Variants in GAS2L3 observed in about 807,000 individuals in gnomAD.
The protein encoded by GAS2L3 is growth arrest specific 2 like 3.
Under a neutral mutation model 37.0 loss-of-function variants are expected in GAS2L3, and 28 were observed. The observed-to-expected ratio is 0.76, with a 90% CI of 0.56 to 1.04. The LOEUF is 1.04. Among genes scored for constraint, GAS2L3 ranks in the 50% least tolerant of loss-of-function variants. The pLI, the probability that GAS2L3 is intolerant of heterozygous loss-of-function variation, is 0.00. For missense variants in GAS2L3, 793 were observed against 817.6 expected (o/e 0.97, Z 0.37); for synonymous variants, 290 against 296.6 (o/e 0.98, Z 0.23).
Position 100,600,634 on chromosome 12 carries a change from T to C in GAS2L3, c.187+84T>C, listed in dbSNP as rs766987822. The C allele has an allele frequency of 2.9e-5, 31 of 1,059,694 alleles. No homozygotes were observed. In the South Asian group the frequency reaches 3.5e-4, roughly 12 times the overall value. The allele number at this position is 1,059,694 out of a possible 1,614,324, so 65.6% of individuals were successfully genotyped here. A position where few individuals can be genotyped will look rare whatever the true frequency, so the allele number is the denominator to read the frequency against. Reference sequence around the variant, plus strand: ...AGCCTTACTCTTTGTCAAGGAGTGATTGTTACAGATGCTGGGGATACTCCA... The same window carrying C: ...AGCCTTACTCTTTGTCAAGGAGTGACTGTTACAGATGCTGGGGATACTCCA... On this transcript the variant is annotated intron_variant, in intron 4 of 9. Coordinates refer to ENST00000547754, the MANE Select transcript of GAS2L3 (RefSeq NM_174942.3).
At position 100,616,628 on chromosome 12, in the gene GAS2L3, C is replaced by A. The variant is rs1046902686; in HGVS notation, c.446-1116C>A. Among the ~76,000 whole-genome samples the A allele has an allele frequency of 6.6e-5, 10 of 151,372 alleles. No individual in the cohort carries two copies. The East Asian group carries it at 1.6e-3, about 24-fold the overall frequency. ...TTAAAAAAACAAACAAACAAAAAAA[C>A]TGTAGAAACAGGGTCTCACTTTGTT... On this transcript the variant is annotated intron_variant, in intron 6 of 9. Transcript: ENST00000547754.
At chr12:100,578,764 T>A in intron 1 of GAS2L3, 1 of 570,050 alleles carries the variant, frequency 1.8e-6, no homozygotes, top group Non-Finnish European at 3.2e-6. Flanking sequence ...AAGGAGAAGG[T>A]GGGCATGGCC....
intron 1 of GAS2L3, among the ~76,000 whole-genome samples, chr12:100,590,429 A>C (rs1445023607): frequency 6.6e-6 from 1 of 152,212 alleles, no homozygotes; most frequent in African/African-American, 2.4e-5. Flanking sequence ...AGATGTTGGC[A>C]TGGATGCGGT....
At chr12:100,600,765 G>T (rs1251993198) in intron 4 of GAS2L3, among the ~76,000 whole-genome samples, 2 of 152,090 alleles carry the variant, frequency 1.3e-5, no homozygotes, top group African/African-American at 4.8e-5. Context: ...GGAAATTTGC[G>T]ATTTAACCGA....
At chr12:100,610,579 G>A (rs1024517991) in intron 5 of GAS2L3, among the ~76,000 whole-genome samples, 4 of 151,478 alleles carry the variant, frequency 2.6e-5, no homozygotes, top group South Asian at 2.1e-4. Context: ...AACTCCTAAC[G>A]TTATTTTAGT....
At chr12:100,575,465 A>C (rs1285925935) in intron 1 of GAS2L3, among the ~76,000 whole-genome samples, 1 of 143,406 alleles carries the variant, frequency 7.0e-6, no homozygotes, top group African/African-American at 2.6e-5. Flanking sequence ...AATGTAGTTC[A>C]TGTTATCTCT....
chr12:100,615,948 A>G (rs925505803), intron 6 of GAS2L3, among the ~76,000 whole-genome samples: 59 of 151,880 alleles, frequency 3.9e-4, no homozygotes, highest in African/African-American at 1.2e-3. Context: ...CTTTTTCTAG[A>G]TTGGTTAGGC....
At chr12:100,609,074 CCCAGGCCAGTT>C (rs1216074199) in intron 5 of GAS2L3, among the ~76,000 whole-genome samples, 1 of 151,962 alleles carries the variant, frequency 6.6e-6, no homozygotes, top group Non-Finnish European at 1.5e-5. Flanking sequence ...TCCCCTCTGG[CCCAGGCCAGTT>C]CCAGAAATGC....
chr12:100,620,745 C>G (rs1239319623), intron 8 of GAS2L3, among the ~76,000 whole-genome samples: 2 of 151,874 alleles, frequency 1.3e-5, no homozygotes, highest in East Asian at 1.9e-4. Context: ...AACAGCAATT[C>G]TATATACTTA....
At position 100,622,262 on chromosome 12, in the gene GAS2L3, T is replaced by C. The variant is rs763619198; in HGVS notation, c.649-13T>C. The stretch of plus-strand genomic sequence containing the variant: ...TGTGACAAGCACTAAATTTTATTTG[T>C]TCGTCATCTTAGGTTAAACATATTG... On this transcript the variant is annotated splice_polypyrimidine_tract_variant and intron_variant, in intron 8 of 9. Coordinates refer to ENST00000547754, the MANE Select transcript of GAS2L3 (RefSeq NM_174942.3). 5.7e-6 allele frequency: 8 copies of C among 1,415,068 alleles called. No homozygotes were observed. The highest frequency in any genetic ancestry group is 7.9e-6 in the Non-Finnish European group (8 of 1,011,798). The allele number at this position is 1,415,068 out of a possible 1,614,324, so 87.7% of individuals were successfully genotyped here.
intron 3 of GAS2L3, among the ~76,000 whole-genome samples, chr12:100,599,262 C>T (rs749482848): frequency 6.6e-6 from 1 of 152,176 alleles, no homozygotes; most frequent in Non-Finnish European, 1.5e-5. Flanking sequence ...CTTTTACCAT[C>T]TGAAGAATTG....
chr12:100,580,125 G>T lies in GAS2L3; in HGVS notation c.-152+6340G>T. On this transcript the variant is annotated intron_variant, in intron 1 of 9. Transcript: ENST00000547754. The stretch of plus-strand genomic sequence containing the variant: ...CTGGAATAGATGCCACTGGGCCAAG[G>T]GGTGCCTGGACTCATAAATGTTCTC... The T allele has an allele frequency of 3.4e-6, 3 of 883,586 alleles. No individual in the cohort carries two copies. The South Asian group carries it at 3.9e-5, about 12-fold the overall frequency. The allele number at this position is 883,586 out of a possible 1,614,324, so 54.7% of individuals were successfully genotyped here.
At chr12:100,618,696 A>T (rs1956218180) in intron 8 of GAS2L3, 109 bp downstream of exon 8, 3 of 988,790 alleles carry the variant, frequency 3.0e-6, no homozygotes, top group Admixed American at 2.6e-5. Flanking sequence ...AGTGTTTCTT[A>T]TTCAGAATAT....
At chr12:100,585,041 A>G (rs371425968) in intron 1 of GAS2L3, among the ~76,000 whole-genome samples, 28 of 143,302 alleles carry the variant, frequency 2.0e-4, no homozygotes, top group African/African-American at 7.1e-4. Context: ...GGCACCCGCC[A>G]CCACACCTGG....
At chr12:100,595,445 A>G (rs1364116168) in intron 3 of GAS2L3, among the ~76,000 whole-genome samples, 1 of 150,568 alleles carries the variant, frequency 6.6e-6, no homozygotes, top group Non-Finnish European at 1.5e-5. Flanking sequence ...CAAGCTGGGT[A>G]TAATGAGACA....
chr12:100,627,023 A>G lies in GAS2L3; in HGVS notation c.*2133A>G, dbSNP rs1030695545. ...AGGATCGCTTGAACCCGGGAGGCAG[A>G]GGTTGCAGTGAGCCAAGATTGCGCC... On this transcript the variant is annotated 3_prime_UTR_variant, in exon 10 of 10. Coordinates refer to ENST00000547754, the MANE Select transcript of GAS2L3 (RefSeq NM_174942.3). 6.7e-6 allele frequency among the ~76,000 whole-genome samples: 1 copy of G among 149,738 alleles called. No homozygotes were observed. Among genetic ancestry groups the G allele is most frequent in the Non-Finnish European group, 1.5e-5 (1 of 67,536 alleles).
At chr12:100,586,163 G>T (rs555992918) in intron 1 of GAS2L3, among the ~76,000 whole-genome samples, 5 of 152,204 alleles carry the variant, frequency 3.3e-5, no homozygotes, top group Non-Finnish European at 7.4e-5. Context: ...CACTAGACAG[G>T]TCATCAAGAC....
intron 1 of GAS2L3, among the ~76,000 whole-genome samples, chr12:100,574,542 C>A (rs921450295): frequency 1.3e-5 from 2 of 152,110 alleles, no homozygotes; most frequent in Non-Finnish European, 2.9e-5. Context: ...TGCAGTCACC[C>A]GTGGTTCCTT....
chr12:100,588,091 G>A (rs962111455), intron 1 of GAS2L3, among the ~76,000 whole-genome samples: 4 of 151,970 alleles, frequency 2.6e-5, no homozygotes, highest in African/African-American at 7.3e-5. Flanking sequence ...CATCCAAATC[G>A]GTAAAGAGGA....
Sources: allele counts gnomAD v4.1 joint callset (sites outside exome capture counted in the v4.1 genomes callset), GRCh38; gene constraint gnomAD v4.1.1; transcripts MANE v1.5; gene names NCBI Gene and HGNC (gene_info 2026-07-23, HGNC 2026-07-21).